AMZ1: variants seen among roughly 807,000 people sequenced by gnomAD.
The protein encoded by AMZ1 is archaelysin family metallopeptidase 1.
A neutral mutation model predicts 29.9 loss-of-function variants in AMZ1; 39 were observed. That is an observed-to-expected ratio of 1.30 (90% CI 1.01 to 1.70). The LOEUF (loss-of-function observed/expected upper bound fraction) is 1.70. Among genes scored for constraint, AMZ1 ranks in the 40% most tolerant of loss-of-function variants. The pLI is 0.00. For missense variants in AMZ1, 1,041 were observed against 680.6 expected (o/e 1.53, Z -5.89); for synonymous variants, 458 against 304.0 (o/e 1.51, Z -5.27).
At chr7:2,753,948 G>C (rs1791162255) in intron 4 of AMZ1, among the ~76,000 whole-genome samples, 1 of 152,178 alleles carries the variant, frequency 6.6e-6, no homozygotes. Context: ...GAGCTCTGTA[G>C]GTCCGGCGGC....
intron 1 of AMZ1, among the ~76,000 whole-genome samples, chr7:2,682,197 C>A (rs1052481440): frequency 6.6e-6 from 1 of 152,042 alleles, no homozygotes; most frequent in Admixed American, 6.5e-5. Context: ...TGTCTGGGAG[C>A]TCGCCCTGCT....
At chr7:2,725,324 C>A (rs1353208240) in intron 4 of AMZ1, among the ~76,000 whole-genome samples, 1 of 152,186 alleles carries the variant, frequency 6.6e-6, no homozygotes. Flanking sequence ...GCCCTGGGCC[C>A]GCGGCACCAG....
At chr7:2,741,496 C>T (rs1231385171) in intron 4 of AMZ1, among the ~76,000 whole-genome samples, 2 of 152,188 alleles carry the variant, frequency 1.3e-5, no homozygotes, top group Admixed American at 6.6e-5. Context: ...TGTTAGCTTT[C>T]TACTTTTTGG....
At chr7:2,723,644 C>T (rs932696625), downstream of AMZ1, among the ~76,000 whole-genome samples, 3 of 152,208 alleles carry the variant, frequency 2.0e-5, no homozygotes, top group African/African-American at 7.2e-5. Flanking sequence ...GCTCCCCAAG[C>T]TCTCGGGGAC....
chr7:2,686,382 A>G (rs566210923), upstream of AMZ1, among the ~76,000 whole-genome samples: 3 of 152,194 alleles, frequency 2.0e-5, no homozygotes, highest in East Asian at 5.8e-4. Context: ...AAAAGTTTCA[A>G]AATTAGCCAG....
At chr7:2,708,422 C>T (rs1413958900) in intron 3 of AMZ1, among the ~76,000 whole-genome samples, 166 bp from the exon 4 acceptor site, 1 of 152,148 alleles carries the variant, frequency 6.6e-6, no homozygotes. Context: ...CCACATCATG[C>T]AGTACTGTGT....
chr7:2,719,963 C>T (rs1328109428), downstream of AMZ1, among the ~76,000 whole-genome samples: 1 of 152,198 alleles, frequency 6.6e-6, no homozygotes, highest in African/African-American at 2.4e-5. Context: ...TTACAGGCGT[C>T]AGCCACCGTG....
intron 5 of AMZ1, 125 bp from the exon 6 acceptor site, chr7:2,709,515 T>A (rs4721976): frequency 7.0e-7 from 1 of 1,421,102 alleles, no homozygotes; most frequent in Non-Finnish European, 9.4e-7. Flanking sequence ...GGAGGGCGCC[T>A]GGACCACCTC....
rs1391035772 is a variant in AMZ1, at chr7:2,700,395, G to A, written c.-57G>A. On this transcript the variant is annotated 5_prime_UTR_variant, in exon 2 of 7. The change creates a new upstream start codon in the 5' untranslated region. Transcript: ENST00000683327. ...GGACGAGACCGTGGCCGTCCCCCGG[G>A]TGGCCCATGGACAGCAGCAGGGGCT... is the stretch of plus-strand genomic sequence containing the variant. 10 of 1,552,406 alleles carry A rather than the reference G, an allele frequency of 6.4e-6. No homozygotes were observed. The highest frequency in any genetic ancestry group is 2.7e-5 in the African/African-American group (2 of 73,740).
chr7:2,720,299 C>T (rs1003580418), downstream of AMZ1, among the ~76,000 whole-genome samples: 4 of 152,266 alleles, frequency 2.6e-5, no homozygotes, highest in Non-Finnish European at 5.9e-5. Flanking sequence ...CACAAATGTT[C>T]ACTCCCCGTT....
intron 4 of AMZ1, among the ~76,000 whole-genome samples, chr7:2,744,786 A>G (rs561386460): frequency 8.8e-4 from 134 of 152,310 alleles, no homozygotes; most frequent in African/African-American, 3.2e-3. Context: ...AATTAGACAA[A>G]TGGATAACTA....
At position 2,741,422 on chromosome 7, in the gene AMZ1, C is replaced by T. The variant is rs369288622; in HGVS notation, n.551-23290C>T. ...GGAGAGCTCACCCAGTTTCCAGAGGCTTCCACCACAGAATCTCTAAAACCC... is the reference window on the plus strand; with the variant it reads ...GGAGAGCTCACCCAGTTTCCAGAGGTTTCCACCACAGAATCTCTAAAACCC... On this transcript the variant is annotated intron_variant and non_coding_transcript_variant, in intron 4 of 4. Coordinates refer to the AMZ1 transcript ENST00000489665. Among the ~76,000 whole-genome samples the T allele has an allele frequency of 2.2e-4, 33 of 152,292 alleles. No individual in the cohort carries two copies. The East Asian group carries it at 5.4e-3, about 25-fold the overall frequency.
intron 4 of AMZ1, among the ~76,000 whole-genome samples, chr7:2,724,918 C>T (rs1320968068): frequency 1.3e-5 from 2 of 152,212 alleles, no homozygotes; most frequent in Non-Finnish European, 2.9e-5. Flanking sequence ...CACCCGGATC[C>T]GCCAGGACAG....
intron 4 of AMZ1, among the ~76,000 whole-genome samples, chr7:2,741,388 TA>T (rs1347239423): frequency 6.6e-6 from 1 of 151,994 alleles, no homozygotes; most frequent in African/African-American, 2.4e-5. Context: ...ATAACAGGGC[TA>T]GGGGTGGGGA....
At chr7:2,740,768 G>A (rs559722033) in intron 4 of AMZ1, among the ~76,000 whole-genome samples, 4 of 152,274 alleles carry the variant, frequency 2.6e-5, no homozygotes, top group South Asian at 2.1e-4. Context: ...TTTAGGGCTC[G>A]CCGCGGTGAC....
chr7:2,735,594 A>G lies in AMZ1; in HGVS notation n.550+25778A>G, dbSNP rs750855082. Among the ~76,000 whole-genome samples, 4 of 152,306 alleles carry G rather than the reference A, an allele frequency of 2.6e-5. No homozygotes were observed. In the South Asian group the frequency reaches 6.2e-4, roughly 24 times the overall value. On this transcript the variant is annotated intron_variant and non_coding_transcript_variant, in intron 4 of 4. Transcript: ENST00000489665. Reference sequence around the variant, plus strand: ...AGTCTAAACACCCCTCGAGTCTGCAATCAGTCCCCCAGCTGCACTTCACAA... The same window carrying G: ...AGTCTAAACACCCCTCGAGTCTGCAGTCAGTCCCCCAGCTGCACTTCACAA...
At chr7:2,759,146 A>T (rs1791438426) in intron 4 of AMZ1, among the ~76,000 whole-genome samples, 1 of 110,388 alleles carries the variant, frequency 9.1e-6, no homozygotes, top group Admixed American at 9.7e-5. Context: ...TCTCAAAATA[A>T]ATAAATAAAT....
rs532034601 is a variant in AMZ1, at chr7:2,718,211, G to C, written c.*5333G>C. ...ACTGAGCCCGGCATGGAGTCACGTG[G>C]CTCCACCCTGGGGCTCCTCTGATGC... On this transcript the variant is annotated 3_prime_UTR_variant, in exon 7 of 7. Coordinates refer to ENST00000683327, the MANE Select transcript of AMZ1 (RefSeq NM_001384743.1). Among the ~76,000 whole-genome samples, 58 of 152,308 alleles carry C rather than the reference G, an allele frequency of 3.8e-4. No individual in the cohort carries two copies. The highest frequency in any genetic ancestry group is 1.4e-3 in the African/African-American group (58 of 41,578).
chr7:2,702,420 C>G (rs531309222), intron 2 of AMZ1: 2 of 381,268 alleles, frequency 5.2e-6, no homozygotes, highest in South Asian at 1.1e-4. Context: ...GTGCCTGGCG[C>G]TAACCCTAGA....
Sources: allele counts gnomAD v4.1 joint callset (sites outside exome capture counted in the v4.1 genomes callset), GRCh38; gene constraint gnomAD v4.1.1; transcripts MANE v1.5; gene names NCBI Gene and HGNC (gene_info 2026-07-23, HGNC 2026-07-21).